SLC26A5: variants seen among roughly 807,000 people sequenced by gnomAD.
SLC26A5 encodes solute carrier family 26 member 5, also known as prestin.
Under a neutral mutation model 81.0 loss-of-function variants are expected in SLC26A5, and 51 were observed. The observed-to-expected ratio is 0.63, with a 90% CI of 0.50 to 0.80. The LOEUF is 0.80. Ranked by LOEUF, SLC26A5 falls within the 30% of genes least tolerant of loss-of-function variation. The pLI is 0.00. For synonymous variants in SLC26A5, 325 were observed against 332.8 expected, an observed-to-expected ratio of 0.98 and a Z score of 0.25; for missense variants, 771 against 905.8, an observed-to-expected ratio of 0.85 and a Z score of 1.91.
intron 14 of SLC26A5, among the ~76,000 whole-genome samples, chr7:103,388,208 T>C (rs1307707190): frequency 2.7e-5 from 4 of 148,970 alleles, no homozygotes; most frequent in African/African-American, 1.0e-4. Context: ...TTTTTTTTTT[T>C]TTTTTTGAGA....
intron 19 of SLC26A5, chr7:103,368,099 C>T: frequency 1.3e-6 from 2 of 1,503,896 alleles, no homozygotes; most frequent in South Asian, 1.3e-5. Context: ...GAATCCTAAC[C>T]TTATATAGAC....
chr7:103,419,419 C>T (rs1300753054), intron 4 of SLC26A5, among the ~76,000 whole-genome samples: 3 of 152,180 alleles, frequency 2.0e-5, no homozygotes, highest in African/African-American at 7.2e-5. Flanking sequence ...ATTCTTTGTA[C>T]CATACCCAAT....
intron 8 of SLC26A5, among the ~76,000 whole-genome samples, chr7:103,406,245 T>C (rs1168503115): frequency 1.3e-5 from 2 of 152,148 alleles, no homozygotes; most frequent in African/African-American, 4.8e-5. Flanking sequence ...CTCCTGCAGC[T>C]AGCTCAGTGT....
Position 103,410,551 on chromosome 7 carries a change from T to A in SLC26A5, c.571-2A>T, listed in dbSNP as rs1824405600. ...AAACCTACAGACACCTAGGCAAAAC[T>A]ATTTTTTTTTAATGACAAAGAAACA... On this transcript the variant is annotated splice_acceptor_variant, in intron 6 of 19. Coordinates refer to ENST00000306312, the MANE Select transcript of SLC26A5 (RefSeq NM_198999.3). LOFTEE classifies it high-confidence loss of function. The A allele has an allele frequency of 1.9e-6, 3 of 1,607,220 alleles. No individual in the cohort carries two copies. Among genetic ancestry groups the A allele is most frequent in the Non-Finnish European group, 2.6e-6 (3 of 1,176,230 alleles).
At chr7:103,376,785 C>G (rs1201367541) in intron 19 of SLC26A5, 23 bp downstream of exon 19, 1 of 1,540,490 alleles carries the variant, frequency 6.5e-7, no homozygotes, top group East Asian at 2.3e-5. Context: ...TTAAGCTTCA[C>G]CCCATCTTAG....
chr7:103,412,855 G>A (rs1824614721), intron 5 of SLC26A5, 147 bp downstream of exon 5: 3 of 666,794 alleles, frequency 4.5e-6, no homozygotes, highest in South Asian at 1.6e-5. Flanking sequence ...CTGGCCGAGT[G>A]TAGGTTTTTA....
At chr7:103,389,987 C>G (rs377436965) in intron 12 of SLC26A5, among the ~76,000 whole-genome samples, 2 of 152,148 alleles carry the variant, frequency 1.3e-5, no homozygotes, top group Non-Finnish European at 2.9e-5. Flanking sequence ...CAGAATTAAA[C>G]TTGGTACTCA....
chr7:103,363,093 A>G (rs1397317253), intron 19 of SLC26A5, among the ~76,000 whole-genome samples: 1 of 152,082 alleles, frequency 6.6e-6, no homozygotes, highest in African/African-American at 2.4e-5. Context: ...TGAGCCCGGC[A>G]GTATTTTATA....
intron 2 of SLC26A5, among the ~76,000 whole-genome samples, chr7:103,427,070 C>T (rs1325453884): frequency 6.6e-6 from 1 of 151,534 alleles, no homozygotes; most frequent in Non-Finnish European, 1.5e-5. Flanking sequence ...CATTTTTCAT[C>T]ATAGATTTTT....
intron 19 of SLC26A5, chr7:103,362,208 A>C (rs894334586): frequency 2.6e-6 from 4 of 1,513,628 alleles, no homozygotes; most frequent in African/African-American, 2.9e-5. Flanking sequence ...AGGATGATCT[A>C]GTAATGTACT....
At chr7:103,396,924 G>T (rs1673280075) in intron 9 of SLC26A5, among the ~76,000 whole-genome samples, 1 of 151,314 alleles carries the variant, frequency 6.6e-6, no homozygotes, top group Admixed American at 6.6e-5. Flanking sequence ...GTGAAACCCT[G>T]TCTCTACTAA....
chr7:103,354,138 A>G (rs1819889485), intron 19 of SLC26A5, among the ~76,000 whole-genome samples: 1 of 152,210 alleles, frequency 6.6e-6, no homozygotes. Context: ...AGTAATCTTC[A>G]CTAAATGAAG....
In SLC26A5 at chr7:103,380,566, T is replaced by C. The variant is rs754268181; in HGVS notation, c.1515-17A>G. 2.5e-6 allele frequency: 4 copies of C among 1,607,992 alleles called. No individual in the cohort carries two copies. Among genetic ancestry groups the C allele is most frequent in the Admixed American group, 3.3e-5 (2 of 59,958 alleles). On this transcript the variant is annotated splice_polypyrimidine_tract_variant and intron_variant, in intron 14 of 19. Transcript: ENST00000306312. ...TAGCTTGGACTGAAGATAAAGAGTG[T>C]TAAATACCATTGTGTTGAGGCACAG...
intron 10 of SLC26A5, among the ~76,000 whole-genome samples, chr7:103,392,319 G>A (rs981516952): frequency 2.6e-5 from 4 of 152,166 alleles, no homozygotes; most frequent in Non-Finnish European, 5.9e-5. Context: ...CTGTGGCTGC[G>A]TTATAAAAGT....
chr7:103,430,019 G>GCAATAC (rs1441537703), intron 2 of SLC26A5, among the ~76,000 whole-genome samples: 2 of 151,588 alleles, frequency 1.3e-5, no homozygotes, highest in African/African-American at 2.4e-5. Context: ...ATCCGTAGAG[G>GCAATAC]CAATACCACA....
At chr7:103,443,344 C>T (rs1339748807) in intron 1 of SLC26A5, 133 bp from the exon 2 acceptor site, 4 of 152,242 alleles carry the variant, frequency 2.6e-5, no homozygotes, top group Non-Finnish European at 5.9e-5. Context: ...CAAGGCACAG[C>T]TACTGCTATC....
intron 2 of SLC26A5, among the ~76,000 whole-genome samples, chr7:103,440,027 A>G (rs1488039353): frequency 6.6e-6 from 1 of 152,216 alleles, no homozygotes; most frequent in African/African-American, 2.4e-5. Flanking sequence ...CACCTCTACC[A>G]TCTTCTTTCT....
At chr7:103,414,523 T>C (rs1406997272) in intron 4 of SLC26A5, among the ~76,000 whole-genome samples, 1 of 152,158 alleles carries the variant, frequency 6.6e-6, no homozygotes, top group East Asian at 1.9e-4. Flanking sequence ...CATACAGTAT[T>C]AAGCTACACC....
In SLC26A5 at chr7:103,389,001, C is replaced by A; in HGVS notation, c.1514+7G>T. 5 of 1,596,532 alleles carry A rather than the reference C, an allele frequency of 3.1e-6. No individual in the cohort carries two copies. The highest frequency in any genetic ancestry group is 3.4e-6 in the Non-Finnish European group (4 of 1,164,458). Reference sequence around the variant, plus strand: ...ACATTCACACCCATTCCAATCTGGGCACTCACCTCTGTGTTCTGTAAATCA... The same window carrying A: ...ACATTCACACCCATTCCAATCTGGGAACTCACCTCTGTGTTCTGTAAATCA... On this transcript the variant is annotated splice_region_variant and intron_variant, in intron 14 of 19. Coordinates refer to ENST00000306312, the MANE Select transcript of SLC26A5 (RefSeq NM_198999.3).
Sources: gnomAD v4.1 joint callset for allele counts (sites outside exome capture counted in the v4.1 genomes callset) on GRCh38, gnomAD v4.1.1 for gene constraint, MANE v1.5 for transcripts, NCBI Gene and HGNC (gene_info 2026-07-23, HGNC 2026-07-21) for gene names.